CNTN5: variants seen among roughly 807,000 people sequenced by gnomAD.
The protein encoded by CNTN5 is contactin-5.
CNTN5 carries 77 observed loss-of-function variants against 129.1 expected under a neutral mutation model. The observed-to-expected ratio is 0.60, with a 90% CI of 0.50 to 0.72. The LOEUF (loss-of-function observed/expected upper bound fraction) is 0.72, where lower values mean the gene tolerates loss of function less well. Among genes scored for constraint, CNTN5 ranks in the 30% least tolerant of loss-of-function variants. CNTN5 has a pLI of 0.00. For synonymous variants in CNTN5, 509 were observed against 465.6 expected, an observed-to-expected ratio of 1.09 and a Z score of -1.20; for missense variants, 1,478 against 1,328.8, an observed-to-expected ratio of 1.11 and a Z score of -1.75.
At chr11:99,523,164 CAA>C (rs1273925548) in intron 2 of CNTN5, among the ~76,000 whole-genome samples, 2 of 152,196 alleles carry the variant, frequency 1.3e-5, no homozygotes, top group African/African-American at 4.8e-5. Context: ...TCTCATCTTT[CAA>C]AGTCTACTAC....
chr11:100,211,817 C>G (rs1949039437), intron 15 of CNTN5, among the ~76,000 whole-genome samples: 1 of 152,044 alleles, frequency 6.6e-6, no homozygotes, highest in Admixed American at 6.6e-5. Flanking sequence ...TATTGTAGAT[C>G]ATTTGAACAT....
At chr11:99,782,781 A>C (rs1333754556) in intron 3 of CNTN5, among the ~76,000 whole-genome samples, 1 of 152,042 alleles carries the variant, frequency 6.6e-6, no homozygotes, top group African/African-American at 2.4e-5. Context: ...CCATATGTAG[A>C]AAGCTGAAAC....
At chr11:99,896,264 G>A (rs768573925) in intron 6 of CNTN5, among the ~76,000 whole-genome samples, 12 of 152,032 alleles carry the variant, frequency 7.9e-5, no homozygotes, top group East Asian at 5.8e-4. Flanking sequence ...GCTGCCTTTC[G>A]GCCCATAACA....
intron 2 of CNTN5, among the ~76,000 whole-genome samples, chr11:99,432,791 T>C (rs1450472372): frequency 6.6e-6 from 1 of 151,788 alleles, no homozygotes; most frequent in African/African-American, 2.4e-5. Context: ...GGTGATGCCA[T>C]GATGCTATAT....
chr11:99,711,347 G>C (rs1954979519), intron 3 of CNTN5, among the ~76,000 whole-genome samples: 1 of 151,722 alleles, frequency 6.6e-6, no homozygotes, highest in African/African-American at 2.4e-5. Flanking sequence ...TGTTATTCAT[G>C]GTTTAATCAC....
intron 2 of CNTN5, among the ~76,000 whole-genome samples, chr11:99,328,889 G>A (rs28607564): frequency 1.9e-3 from 187 of 98,926 alleles, no homozygotes; most frequent in Non-Finnish European, 2.2e-3. Flanking sequence ...AAAAAAAAAA[G>A]AAAAAAAACA....
chr11:99,747,001 T>A (rs1393260511), intron 3 of CNTN5, among the ~76,000 whole-genome samples: 1 of 152,224 alleles, frequency 6.6e-6, no homozygotes, highest in Non-Finnish European at 1.5e-5. Context: ...AATCTGTAGA[T>A]AGTTTTGGAT....
At chr11:99,439,772 ATATATT>A (rs1943752786) in intron 2 of CNTN5, among the ~76,000 whole-genome samples, 2 of 151,924 alleles carry the variant, frequency 1.3e-5, no homozygotes, top group African/African-American at 4.8e-5. Flanking sequence ...AAATCTAGAT[ATATATT>A]TATAAGTATT....
chr11:99,329,677 G>C (rs1388842871), intron 2 of CNTN5, among the ~76,000 whole-genome samples: 1 of 152,066 alleles, frequency 6.6e-6, no homozygotes, highest in Non-Finnish European at 1.5e-5. Flanking sequence ...TGTCACATAT[G>C]CTGAGTGTAT....
In CNTN5 at chr11:100,266,637, T is replaced by TTC. The variant is rs1169973864; in HGVS notation, c.2165-4454_2165-4453insCT. On this transcript the variant is annotated intron_variant, in intron 17 of 24. Transcript: ENST00000524871. ...AATTTAGAATTTCCAAATCTTTTTT[T>TTC]TTTTTTTTCACTTTAAAGAGAGGAA... Among the ~76,000 whole-genome samples the TTC allele has an allele frequency of 1.7e-4, 25 of 151,494 alleles. No homozygotes were observed. In the East Asian group the frequency reaches 4.1e-3, roughly 25 times the overall value.
At chr11:99,320,960 G>A (rs1324714337) in intron 1 of CNTN5, among the ~76,000 whole-genome samples, 2 of 152,146 alleles carry the variant, frequency 1.3e-5, no homozygotes, top group African/African-American at 4.8e-5. Context: ...AGAACAGAAG[G>A]GTGACCCACC....
At chr11:99,105,144 C>T (rs1263792517) in intron 1 of CNTN5, among the ~76,000 whole-genome samples, 2 of 152,082 alleles carry the variant, frequency 1.3e-5, no homozygotes, top group Non-Finnish European at 2.9e-5. Context: ...TGCTATGTAT[C>T]CTTAGACGTG....
intron 1 of CNTN5, among the ~76,000 whole-genome samples, chr11:99,139,615 T>C (rs193174649): frequency 0.014 from 2,058 of 143,812 alleles, 50 homozygotes; most frequent in African/African-American, 0.051. Flanking sequence ...TTATAAAACA[T>C]CTTTTCTTAT....
At chr11:99,851,451 G>GC (rs1208948764) in intron 6 of CNTN5, among the ~76,000 whole-genome samples, 1 of 152,140 alleles carries the variant, frequency 6.6e-6, no homozygotes, top group African/African-American at 2.4e-5. Flanking sequence ...TCAGTGACAA[G>GC]CAAGAATACA....
chr11:99,158,871 G>A lies in CNTN5; in HGVS notation c.-210+137601G>A, dbSNP rs1015981174. ...AATAAAAGTAAATACAAGGCTTCAG[G>A]GTTATATAAACCTTCAGTAAATTAT... On this transcript the variant is annotated intron_variant, in intron 1 of 24. Transcript: ENST00000524871. 4.0e-5 allele frequency among the ~76,000 whole-genome samples: 6 copies of A among 151,732 alleles called. No individual in the cohort carries two copies. The South Asian group carries it at 1.0e-3, about 26-fold the overall frequency.
chr11:99,046,269 G>A (rs1211390096), intron 1 of CNTN5, among the ~76,000 whole-genome samples: 3 of 152,152 alleles, frequency 2.0e-5, no homozygotes, highest in Non-Finnish European at 4.4e-5. Flanking sequence ...GAACCCAGGA[G>A]GTGGAGGTTG....
intron 7 of CNTN5, among the ~76,000 whole-genome samples, chr11:99,948,689 G>T (rs1253427589): frequency 6.6e-6 from 1 of 152,054 alleles, no homozygotes; most frequent in Admixed American, 6.6e-5. Context: ...TGTAAAATAA[G>T]GTTACCTATT....
intron 3 of CNTN5, among the ~76,000 whole-genome samples, chr11:99,589,236 T>G (rs1346240775): frequency 1.3e-5 from 2 of 152,194 alleles, no homozygotes; most frequent in Non-Finnish European, 2.9e-5. Flanking sequence ...AAGATGGGAA[T>G]AAGCCAGACA....
intron 2 of CNTN5, among the ~76,000 whole-genome samples, chr11:99,372,068 T>A (rs368093412): frequency 6.6e-6 from 1 of 152,244 alleles, no homozygotes; most frequent in African/African-American, 2.4e-5. Flanking sequence ...TTCTATTTAT[T>A]GTTATGGAAA....
Sources: gnomAD v4.1 joint callset for allele counts (sites outside exome capture counted in the v4.1 genomes callset) on GRCh38, gnomAD v4.1.1 for gene constraint, MANE v1.5 for transcripts, NCBI Gene and HGNC (gene_info 2026-07-23, HGNC 2026-07-21) for gene names.